The following MGAT4C variants were observed in gnomAD, a reference collection of about 807,000 sequenced individuals.
MGAT4C encodes MGAT4 family member C.
A neutral mutation model predicts 40.1 loss-of-function variants in MGAT4C; 19 were observed. The observed-to-expected ratio is 0.47, with a 90% CI of 0.33 to 0.70. MGAT4C has a LOEUF of 0.70. Ranked by LOEUF, MGAT4C falls within the 30% of genes least tolerant of loss-of-function variation. The pLI is 0.02. For missense variants in MGAT4C, 491 were observed against 563.2 expected (o/e 0.87, Z 1.30); for synonymous variants, 181 against 187.1 (o/e 0.97, Z 0.27).
intron 1 of MGAT4C, among the ~76,000 whole-genome samples, chr12:86,084,741 G>T (rs559948673): frequency 6.6e-6 from 1 of 151,420 alleles, no homozygotes; most frequent in African/African-American, 2.4e-5. Flanking sequence ...AAAAGCAAAA[G>T]GAAAAGAGGC....
chr12:86,295,652 G>A (rs907743865), intron 4 of MGAT4C, among the ~76,000 whole-genome samples: 1 of 152,140 alleles, frequency 6.6e-6, no homozygotes, highest in Middle Eastern at 3.2e-3. Context: ...CCCACATCCT[G>A]CTGATTGGTA....
intron 4 of MGAT4C, among the ~76,000 whole-genome samples, chr12:86,300,836 T>C (rs1012680536): frequency 2.0e-5 from 3 of 152,142 alleles, no homozygotes; most frequent in Non-Finnish European, 4.4e-5. Flanking sequence ...TGGGAGCTAC[T>C]GAGAGATAAA....
chr12:86,238,306 A>G (rs1951638940), intron 1 of MGAT4C, among the ~76,000 whole-genome samples: 1 of 152,036 alleles, frequency 6.6e-6, no homozygotes, highest in Non-Finnish European at 1.5e-5. Context: ...CATGATAAAA[A>G]TAATTTACTT....
intron 1 of MGAT4C, among the ~76,000 whole-genome samples, chr12:86,750,320 A>G (rs1951215077): frequency 6.6e-6 from 1 of 151,878 alleles, no homozygotes; most frequent in Non-Finnish European, 1.5e-5. Context: ...CAGCCTGAAG[A>G]CATGTTCTTG....
chr12:86,014,751 T>C (rs910120336), intron 2 of MGAT4C, among the ~76,000 whole-genome samples: 3 of 152,094 alleles, frequency 2.0e-5, no homozygotes, highest in Admixed American at 6.5e-5. Context: ...TTATTTGTAC[T>C]CTGCATTTTA....
At chr12:86,269,041 T>C (rs867111872) in intron 4 of MGAT4C, among the ~76,000 whole-genome samples, 4 of 133,788 alleles carry the variant, frequency 3.0e-5, no homozygotes, top group East Asian at 2.3e-4. Context: ...TATATATATA[T>C]ATATATATAT....
chr12:86,831,897 T>C (rs1159305296), intron 1 of MGAT4C, among the ~76,000 whole-genome samples: 1 of 151,864 alleles, frequency 6.6e-6, no homozygotes, highest in African/African-American at 2.4e-5. Flanking sequence ...TTATGATGAT[T>C]ATATTTCTTG....
At chr12:86,262,979 T>G (rs1006658594) in intron 4 of MGAT4C, among the ~76,000 whole-genome samples, 3 of 152,030 alleles carry the variant, frequency 2.0e-5, no homozygotes, top group Admixed American at 6.5e-5. Flanking sequence ...TTAAAAGGTT[T>G]TATTTTATAT....
chr12:86,461,158 AT>A (rs1171066664), intron 2 of MGAT4C, among the ~76,000 whole-genome samples: 1 of 151,828 alleles, frequency 6.6e-6, no homozygotes, highest in Non-Finnish European at 1.5e-5. Flanking sequence ...TACTTTATAT[AT>A]TTTTAATTAT....
rs1362820707 is a variant in MGAT4C at position 85,968,095 on chromosome 12, G to A, written c.*11194C>T. On this transcript the variant is annotated 3_prime_UTR_variant, in exon 5 of 5. Transcript: ENST00000611864. ...TTGGAAAAAGAAAAACAAATAAATT[G>A]GAGATTTGGATCATATGGGCTATGA... 6.6e-6 allele frequency: 1 copy of A among 151,936 alleles called. No individual in the cohort carries two copies. Among genetic ancestry groups the A allele is most frequent in the Non-Finnish European group, 1.5e-5 (1 of 67,918 alleles). 9.4% of individuals were successfully genotyped at this position (151,936 alleles called of 1,614,324 possible).
At chr12:86,632,717 T>C (rs569201200) in intron 2 of MGAT4C, among the ~76,000 whole-genome samples, 144 of 119,946 alleles carry the variant, frequency 1.2e-3, no homozygotes, top group African/African-American at 4.6e-3. Flanking sequence ...TGAGAACAGT[T>C]GGACACAGGG....
intron 2 of MGAT4C, among the ~76,000 whole-genome samples, chr12:86,458,014 C>A (rs1278603958): frequency 2.0e-5 from 3 of 151,890 alleles, no homozygotes; most frequent in African/African-American, 4.8e-5. Context: ...TAAATTAAAA[C>A]TTTTTTGTCA....
intron 3 of MGAT4C, among the ~76,000 whole-genome samples, chr12:86,372,916 A>C (rs1266324007): frequency 6.6e-6 from 1 of 151,566 alleles, no homozygotes; most frequent in Non-Finnish European, 1.5e-5. Context: ...TTATATTGTT[A>C]AACCACCTCA....
chr12:86,458,164 CTTAAAT>C (rs1299764442), intron 2 of MGAT4C, among the ~76,000 whole-genome samples: 1 of 151,994 alleles, frequency 6.6e-6, no homozygotes, highest in Non-Finnish European at 1.5e-5. Context: ...TAGCAGCTAC[CTTAAAT>C]TTATTTTAGA....
chr12:86,447,276 C>T (rs1289541776), intron 2 of MGAT4C, among the ~76,000 whole-genome samples: 1 of 152,122 alleles, frequency 6.6e-6, no homozygotes, highest in African/African-American at 2.4e-5. Context: ...CAGGCATGTG[C>T]CACCACTCCT....
At chr12:86,377,375 A>G (rs993346612) in intron 3 of MGAT4C, among the ~76,000 whole-genome samples, 2 of 152,100 alleles carry the variant, frequency 1.3e-5, no homozygotes, top group African/African-American at 4.8e-5. Flanking sequence ...TACATTATTA[A>G]CCACAAAAAT....
chr12:86,169,656 G>C (rs947222771), intron 1 of MGAT4C, among the ~76,000 whole-genome samples: 5 of 152,028 alleles, frequency 3.3e-5, no homozygotes, highest in African/African-American at 1.2e-4. Context: ...CAAGCATATA[G>C]CAGATGCTTC....
At chr12:86,394,554 T>TATAC (rs1956216963) in intron 3 of MGAT4C, among the ~76,000 whole-genome samples, 1 of 143,186 alleles carries the variant, frequency 7.0e-6, no homozygotes, top group African/African-American at 2.6e-5. Flanking sequence ...TATATATATT[T>TATAC]ATATATTTAT....
At chr12:86,021,622 A>C (rs1424511156) in intron 2 of MGAT4C, among the ~76,000 whole-genome samples, 6 of 151,274 alleles carry the variant, frequency 4.0e-5, no homozygotes, top group Non-Finnish European at 2.9e-5. Flanking sequence ...TAGCATTAGG[A>C]GATATACCTA....
Sources: allele counts gnomAD v4.1 joint callset (sites outside exome capture counted in the v4.1 genomes callset), GRCh38; gene constraint gnomAD v4.1.1; transcripts MANE v1.5; gene names NCBI Gene and HGNC (gene_info 2026-07-23, HGNC 2026-07-21).